Variants in SLC25A30 observed in about 807,000 individuals in gnomAD.
The protein encoded by SLC25A30 is solute carrier family 25 member 30, also known as kidney mitochondrial carrier protein 1.
SLC25A30 carries 29 observed loss-of-function variants against 42.7 expected under a neutral mutation model. That is an observed-to-expected ratio of 0.68 (90% CI 0.51 to 0.93). SLC25A30 has a LOEUF of 0.93. Among genes scored for constraint, SLC25A30 ranks in the 40% least tolerant of loss-of-function variants. The probability of loss-of-function intolerance (pLI) is 0.00; values close to 1 mark genes in which losing one functional copy is unlikely to be tolerated. For synonymous variants in SLC25A30, 124 were observed against 131.0 expected (o/e 0.95, Z 0.37); for missense variants, 300 against 359.7 (o/e 0.83, Z 1.34).
intron 4 of SLC25A30, among the ~76,000 whole-genome samples, chr13:45,404,921 G>C (rs1405713129): frequency 1.3e-5 from 2 of 152,122 alleles, no homozygotes; most frequent in East Asian, 3.8e-4. Flanking sequence ...ATCTAAATGT[G>C]ATTTTATTTT....
chr13:45,409,347 T>C (rs1020379381), intron 2 of SLC25A30, among the ~76,000 whole-genome samples: 5 of 152,238 alleles, frequency 3.3e-5, no homozygotes, highest in African/African-American at 1.2e-4. Flanking sequence ...TGCATTGTTG[T>C]AGAAAGCAAA....
At chr13:45,424,817 A>AAAATATATATACATATATATAAAT in the SLC25A30 span, among the ~76,000 whole-genome samples, 2 of 60,236 alleles carry the variant, frequency 3.3e-5, no homozygotes, top group African/African-American at 1.4e-4. Context: ...AAAAAATATA[A>AAAATATATATACATATATATAAAT]ATATATAAAA....
chr13:45,424,144 TATAAGTATATATATAG>T, the SLC25A30 span, among the ~76,000 whole-genome samples: 145 of 41,588 alleles, frequency 3.5e-3, 1 homozygote, highest in African/African-American at 0.012. Flanking sequence ...AATATATAAA[TATAAGTATATATATAG>T]AAATATATCA....
upstream of SLC25A30, among the ~76,000 whole-genome samples, chr13:45,423,355 A>G (rs944558309): frequency 4.6e-5 from 7 of 151,260 alleles, no homozygotes; most frequent in Non-Finnish European, 8.8e-5. Flanking sequence ...GGTGAGCTGT[A>G]CTTAGAAATC....
Position 45,395,983 on chromosome 13 carries a change from CA to C in SLC25A30, c.866del (p.Leu289TrpfsTer14). ...FFVTYEQLKK[L>X]DL Reference sequence around the variant, plus strand: ...ATGCAGCCTTGGCTTGTCACAAATCCAATTTCTTCAACTGCTCGTATGTCAC... The same window carrying C: ...ATGCAGCCTTGGCTTGTCACAAATCCATTTCTTCAACTGCTCGTATGTCAC... On this transcript the variant is annotated frameshift_variant, in exon 10 of 10. Coordinates refer to ENST00000519676, the MANE Select transcript of SLC25A30 (RefSeq NM_001010875.4). LOFTEE classifies it high-confidence loss of function. The C allele has an allele frequency of 1.2e-6, 2 of 1,614,158 alleles. No individual in the cohort carries two copies. Among genetic ancestry groups the C allele is most frequent in the Non-Finnish European group, 1.7e-6 (2 of 1,180,024 alleles).
At chr13:45,409,611 C>T (rs1378783153) in intron 2 of SLC25A30, among the ~76,000 whole-genome samples, 2 of 152,108 alleles carry the variant, frequency 1.3e-5, no homozygotes, top group Admixed American at 6.5e-5. Flanking sequence ...GAGTTCCAAA[C>T]CAACCTGGCC....
Position 45,408,961 on chromosome 13 carries a change from C to T in SLC25A30, c.178G>A (p.Gly60Ser), listed in dbSNP as rs1159244916. Residue 60 changes from glycine (G) to serine (S), a missense_variant, in exon 3 of 10, where the codon GGC becomes AGC. Physicochemically the swap from Gly to Ser is moderately conservative, Grantham distance 56 (BLOSUM62 0). Transcript: ENST00000519676. ...RGMLHALVRI[G>S]REEGLKALYS... ...AGTGCTTTCAGCCCTTCTTCTCTGC[C>T]TATCCTCACTAATGCGTGCAACATT... The T allele has an allele frequency of 6.2e-7, 1 of 1,612,672 alleles. No individual in the cohort carries two copies. The highest frequency in any genetic ancestry group is 2.2e-5 in the East Asian group (1 of 44,838).
chr13:45,411,403 G>A lies in SLC25A30; in HGVS notation c.23C>T (p.Pro8Leu), dbSNP rs1368603579. 13 of 1,614,006 alleles carry A rather than the reference G, an allele frequency of 8.1e-6. No homozygotes were observed. The highest frequency in any genetic ancestry group is 2.2e-5 in the East Asian group (1 of 44,896). Reference protein sequence around the residue: MSALNWKPFVYGGLASIT... With the variant: MSALNWKLFVYGGLASIT... Reference sequence around the variant, plus strand: ...GGAGGCCAGCCCCCCGTACACAAACGGCTTCCAGTTGAGGGCTGACATTCT... The same window carrying A: ...GGAGGCCAGCCCCCCGTACACAAACAGCTTCCAGTTGAGGGCTGACATTCT... Residue 8 changes from proline (P) to leucine (L), a missense_variant, in exon 2 of 10, where the codon CCG becomes CTG. Physicochemically the swap from Pro to Leu is moderately conservative, Grantham distance 98. Coordinates refer to ENST00000519676, the MANE Select transcript of SLC25A30 (RefSeq NM_001010875.4).
Position 45,397,553 on chromosome 13 carries a change from G to A in SLC25A30, c.754-215C>T, listed in dbSNP as rs1881474427. 8.0e-6 allele frequency: 3 copies of A among 375,186 alleles called. No individual in the cohort carries two copies. In the South Asian group the frequency reaches 9.8e-5, roughly 12 times the overall value. 23.2% of individuals were successfully genotyped at this position (375,186 alleles called of 1,614,324 possible). A position where few individuals can be genotyped will look rare whatever the true frequency, so the allele number is the denominator to read the frequency against. ...TAAAAATACAAAAAAAAAATTAGCCGGGCATGGTGGCAGGCGCCTGTAGTC... is the reference window on the plus strand; with the variant it reads ...TAAAAATACAAAAAAAAAATTAGCCAGGCATGGTGGCAGGCGCCTGTAGTC... On this transcript the variant is annotated intron_variant, in intron 8 of 9. Coordinates refer to ENST00000519676, the MANE Select transcript of SLC25A30 (RefSeq NM_001010875.4).
At chr13:45,425,625 T>C in the SLC25A30 span, among the ~76,000 whole-genome samples, 1,562 of 103,044 alleles carry the variant, frequency 0.015, 155 homozygotes, top group African/African-American at 0.045. Flanking sequence ...TAAATATATA[T>C]ATAAGTATAT....
At chr13:45,414,072 T>C (rs1479874099) in intron 1 of SLC25A30, among the ~76,000 whole-genome samples, 2 of 152,200 alleles carry the variant, frequency 1.3e-5, no homozygotes, top group African/African-American at 4.8e-5. Flanking sequence ...AATAAAACTT[T>C]TCTACAAATT....
chr13:45,395,955 C>CT lies in SLC25A30; in HGVS notation c.*18dup. 1 of 1,614,194 alleles carries CT rather than the reference C, an allele frequency of 6.2e-7. No individual in the cohort carries two copies. On this transcript the variant is annotated 3_prime_UTR_variant, in exon 10 of 10. Transcript: ENST00000519676. Reference sequence around the variant, plus strand: ...GAAGTTACCATTTTCAGAAAGATGTCTCATGCAGCCTTGGCTTGTCACAAA... The same window carrying CT: ...GAAGTTACCATTTTCAGAAAGATGTCTTCATGCAGCCTTGGCTTGTCACAAA...
the SLC25A30 span, among the ~76,000 whole-genome samples, chr13:45,424,829 T>TATATATACATATATATAA: frequency 3.8e-5 from 2 of 52,368 alleles, no homozygotes; most frequent in African/African-American, 1.7e-4. Context: ...TATATAAAAA[T>TATATATACATATATATAA]ATATATATAA....
intron 5 of SLC25A30, 77 bp downstream of exon 5, chr13:45,404,250 C>G (rs1315406290): frequency 2.0e-6 from 2 of 995,604 alleles, no homozygotes; most frequent in Non-Finnish European, 3.2e-6. Flanking sequence ...GTTACATTCA[C>G]AGATTCCATT....
At chr13:45,429,559 G>A in the SLC25A30 span, among the ~76,000 whole-genome samples, 1 of 152,128 alleles carries the variant, frequency 6.6e-6, no homozygotes, top group Non-Finnish European at 1.5e-5. Context: ...GCTGGGCACA[G>A]TGGCTCATGG....
the SLC25A30 span, among the ~76,000 whole-genome samples, chr13:45,427,792 G>A: frequency 2.7e-4 from 27 of 99,698 alleles, no homozygotes; most frequent in Admixed American, 3.9e-4. Context: ...TCGCCCAGGC[G>A]GAGTGCAGTG....
upstream of SLC25A30, among the ~76,000 whole-genome samples, chr13:45,422,988 T>C (rs1010561953): frequency 1.3e-5 from 2 of 152,126 alleles, no homozygotes; most frequent in African/African-American, 4.8e-5. Context: ...TCCATGCTGC[T>C]ATGAGAACAG....
intron 6 of SLC25A30, among the ~76,000 whole-genome samples, chr13:45,401,511 G>A (rs565144997): frequency 6.6e-6 from 1 of 151,966 alleles, no homozygotes. Context: ...GATCTTTAGG[G>A]GCTATTCTAT....
At chr13:45,411,077 C>CTA (rs1237663774) in intron 2 of SLC25A30, among the ~76,000 whole-genome samples, 3 of 151,792 alleles carry the variant, frequency 2.0e-5, no homozygotes, top group African/African-American at 7.3e-5. Context: ...GTAGCGGGGA[C>CTA]TACAGGCCTG....
Sources: allele counts gnomAD v4.1 joint callset (sites outside exome capture counted in the v4.1 genomes callset), GRCh38; gene constraint gnomAD v4.1.1; transcripts MANE v1.5; gene names NCBI Gene and HGNC (gene_info 2026-07-23, HGNC 2026-07-21).